The following SFXN5 variants were observed in gnomAD, a reference collection of about 807,000 sequenced individuals.
The protein encoded by SFXN5 is sideroflexin-5.
Under a neutral mutation model 50.2 loss-of-function variants are expected in SFXN5, and 43 were observed. That is an observed-to-expected ratio of 0.86 (90% CI 0.67 to 1.11). The LOEUF (loss-of-function observed/expected upper bound fraction) is 1.11. Among genes scored for constraint, SFXN5 ranks in the 50% least tolerant of loss-of-function variants. The pLI is 0.00. For missense variants in SFXN5, 463 were observed against 454.1 expected (o/e 1.02, Z -0.18); for synonymous variants, 203 against 185.8 (o/e 1.09, Z -0.75).
intron 13 of SFXN5, among the ~76,000 whole-genome samples, chr2:72,954,259 G>C (rs1294310969): frequency 6.6e-6 from 1 of 152,126 alleles, no homozygotes; most frequent in African/African-American, 2.4e-5. Context: ...TCCCAGGGCT[G>C]ACATGGGAGG....
At chr2:73,055,295 G>C (rs1404049964) in intron 2 of SFXN5, among the ~76,000 whole-genome samples, 1 of 152,254 alleles carries the variant, frequency 6.6e-6, no homozygotes, top group African/African-American at 2.4e-5. Flanking sequence ...GTGAGAATAA[G>C]GGTCTGGAGA....
intron 1 of SFXN5, among the ~76,000 whole-genome samples, chr2:73,060,724 CA>C (rs1427685751): frequency 7.1e-6 from 1 of 140,652 alleles, no homozygotes; most frequent in East Asian, 2.2e-4. Context: ...TTTTTTAAGA[CA>C]GGGTCTAACT....
At chr2:72,987,126 T>G (rs1559123289) in intron 10 of SFXN5, among the ~76,000 whole-genome samples, 1 of 152,170 alleles carries the variant, frequency 6.6e-6, no homozygotes, top group Non-Finnish European at 1.5e-5. Context: ...TTTTTTGTTT[T>G]GTTTTGTTTT....
chr2:73,065,469 C>T (rs1683106631), intron 1 of SFXN5, among the ~76,000 whole-genome samples: 1 of 151,852 alleles, frequency 6.6e-6, no homozygotes. Flanking sequence ...GGTGCAATCT[C>T]GGCTCACTGC....
intron 2 of SFXN5, chr2:73,041,671 A>G (rs747813454): frequency 2.5e-6 from 1 of 402,258 alleles, no homozygotes. Flanking sequence ...TCTAAAAAAG[A>G]AAAAAATAGA....
chr2:73,040,041 G>A (rs1359750543), intron 3 of SFXN5, among the ~76,000 whole-genome samples: 1 of 151,954 alleles, frequency 6.6e-6, no homozygotes, highest in African/African-American at 2.4e-5. Flanking sequence ...GAACTCCTGA[G>A]CTCAGGCAAT....
intron 12 of SFXN5, among the ~76,000 whole-genome samples, chr2:72,966,600 G>C (rs1674440381): frequency 6.6e-6 from 1 of 152,110 alleles, no homozygotes; most frequent in Non-Finnish European, 1.5e-5. Context: ...GGTGAGAGAG[G>C]GCTCACCTCA....
rs1301953440 is a variant in SFXN5, at chr2:72,950,965, A to G, written c.946-5866T>C. On this transcript the variant is annotated intron_variant, in intron 13 of 13. Coordinates refer to ENST00000272433, the MANE Select transcript of SFXN5 (RefSeq NM_144579.3). The surrounding 1 kb of genome is among the most constrained non-coding windows in gnomAD (Gnocchi z 4.2). ...GGCAGCCAGCTCGGGGCGGGCTGGA[A>G]TCCGTGGGCCCATCATCTCTTCCAT... is the stretch of plus-strand genomic sequence containing the variant. Among the ~76,000 whole-genome samples, 2 of 152,114 alleles carry G rather than the reference A, an allele frequency of 1.3e-5. No homozygotes were observed. The highest frequency in any genetic ancestry group is 1.3e-4 in the Admixed American group (2 of 15,276).
At chr2:73,052,531 C>T (rs1681502911) in intron 2 of SFXN5, among the ~76,000 whole-genome samples, 1 of 152,024 alleles carries the variant, frequency 6.6e-6, no homozygotes, top group Non-Finnish European at 1.5e-5. Flanking sequence ...TTATTCTATC[C>T]TATAATATAC....
intron 11 of SFXN5, among the ~76,000 whole-genome samples, chr2:72,970,661 G>A (rs925038442): frequency 6.6e-6 from 1 of 151,974 alleles, no homozygotes; most frequent in African/African-American, 2.4e-5. Flanking sequence ...TGGGAAAGCA[G>A]AGGGAGATGT....
At chr2:73,068,475 C>A (rs750281016) in intron 1 of SFXN5, among the ~76,000 whole-genome samples, 1 of 152,126 alleles carries the variant, frequency 6.6e-6, no homozygotes, top group Non-Finnish European at 1.5e-5. Context: ...CACTGATGAA[C>A]CTTACACTGT....
intron 6 of SFXN5, among the ~76,000 whole-genome samples, chr2:73,006,156 C>A (rs1001341508): frequency 6.6e-6 from 1 of 150,990 alleles, no homozygotes; most frequent in African/African-American, 2.4e-5. Flanking sequence ...GAGGTTGCCA[C>A]GAGAAGACAT....
rs780792062 is a variant in SFXN5, at chr2:73,071,698, T to A, written c.8A>T (p.Asp3Val). The A allele has an allele frequency of 6.2e-7, 1 of 1,612,688 alleles. No individual in the cohort carries two copies. The highest frequency in any genetic ancestry group is 1.3e-5 in the African/African-American group (1 of 75,056). Residue 3 changes from aspartate (D) to valine (V), a missense_variant, in exon 1 of 14, where the codon GAT becomes GTT. Asp to Val is a radical substitution (Grantham distance 152). Transcript: ENST00000272433. The stretch of plus-strand genomic sequence containing the variant: ...CGCCGCCGATGCTGTAGTCGCTGTA[T>A]CCGCCATGGCCACTGACGCCCGCAA... The part of the protein sequence containing the change: MA[D>V]TATTASAAAA...
At position 73,071,675 on chromosome 2, in the gene SFXN5, C is replaced by A; in HGVS notation, c.31G>T (p.Ala11Ser). Residue 11 changes from alanine to serine, a missense_variant, in exon 1 of 14, where the codon GCG becomes TCG. Transcript: ENST00000272433. ...GAGGCGCTAGCGGCACTAGCCGCCG[C>A]CGCCGATGCTGTAGTCGCTGTATCC... MADTATTASA[A>S]AASAASASSD... 1 of 1,613,022 alleles carries A rather than the reference C, an allele frequency of 6.2e-7. No homozygotes were observed. The highest frequency in any genetic ancestry group is 8.5e-7 in the Non-Finnish European group (1 of 1,179,838).
intron 1 of SFXN5, chr2:73,059,331 A>G: frequency 2.0e-6 from 2 of 985,410 alleles, no homozygotes; most frequent in Non-Finnish European, 2.4e-6. Flanking sequence ...AGAGGGTGCC[A>G]AGCTCGGGGA....
chr2:73,011,648 T>A (rs909712312), intron 6 of SFXN5, among the ~76,000 whole-genome samples: 1 of 152,016 alleles, frequency 6.6e-6, no homozygotes, highest in African/African-American at 2.4e-5. Flanking sequence ...AAATCACCAA[T>A]AAATAGATTT....
chr2:73,030,669 G>T (rs1488407901), intron 3 of SFXN5, among the ~76,000 whole-genome samples: 1 of 128,056 alleles, frequency 7.8e-6, no homozygotes, highest in Non-Finnish European at 1.6e-5. Context: ...TCCAGCTCCT[G>T]GAAACCGCGT....
intron 3 of SFXN5, among the ~76,000 whole-genome samples, chr2:73,028,573 A>G (rs931048808): frequency 9.9e-5 from 15 of 152,226 alleles, no homozygotes; most frequent in Non-Finnish European, 2.1e-4. Flanking sequence ...AGGACGAGAG[A>G]AGAATGAGGG....
intron 2 of SFXN5, among the ~76,000 whole-genome samples, chr2:73,052,391 T>A (rs952400977): frequency 2.0e-5 from 3 of 148,716 alleles, no homozygotes; most frequent in African/African-American, 7.6e-5. Context: ...TGTGTGTGTG[T>A]GATGAGTGCA....
Sources: gnomAD v4.1 joint callset for allele counts (sites outside exome capture counted in the v4.1 genomes callset) on GRCh38, gnomAD v4.1.1 for gene constraint, Gnocchi (gnomAD v3.1) non-coding constraint, MANE v1.5 for transcripts, NCBI Gene and HGNC (gene_info 2026-07-23, HGNC 2026-07-21) for gene names.